Variants in ZNF385D observed in about 807,000 individuals in gnomAD.
ZNF385D encodes zinc finger protein 385D.
A neutral mutation model predicts 35.8 loss-of-function variants in ZNF385D; 15 were observed. The ratio of observed to expected loss-of-function variants is 0.42; its 90% CI spans 0.28 to 0.64. The LOEUF (loss-of-function observed/expected upper bound fraction) is 0.64, where lower values mean the gene tolerates loss of function less well. ZNF385D is among the 30% of genes least tolerant of loss of function. ZNF385D has a pLI of 0.23. For synonymous variants in ZNF385D, 212 were observed against 186.8 expected (o/e 1.13, Z -1.10); for missense variants, 474 against 494.6 (o/e 0.96, Z 0.39).
chr3:22,335,868 T>C (rs1559526992), intron 2 of ZNF385D, among the ~76,000 whole-genome samples: 1 of 152,154 alleles, frequency 6.6e-6, no homozygotes, highest in Non-Finnish European at 1.5e-5. Context: ...CTTCGTATTG[T>C]CTTCCAAAAT....
intron 3 of ZNF385D, among the ~76,000 whole-genome samples, chr3:21,890,798 A>C (rs1698814491): frequency 1.3e-5 from 2 of 152,230 alleles, no homozygotes; most frequent in African/African-American, 4.8e-5. Flanking sequence ...TAAAGAGTCA[A>C]AAAGATAAAT....
intron 7 of ZNF385D, 52 bp downstream of exon 7, chr3:21,423,911 C>T: frequency 6.5e-7 from 1 of 1,548,084 alleles, no homozygotes; most frequent in South Asian, 1.2e-5. Context: ...AATCAAGAAA[C>T]CAATAATTCC....
chr3:22,361,975 C>T (rs955286964), intron 2 of ZNF385D, among the ~76,000 whole-genome samples: 14 of 151,608 alleles, frequency 9.2e-5, no homozygotes, highest in Admixed American at 9.2e-4. Flanking sequence ...TCTAAATAGA[C>T]ATAGAAATGT....
In ZNF385D at chr3:22,364,639, C is replaced by A. The variant is rs145720897; in HGVS notation, c.106+7811G>T. Among the ~76,000 whole-genome samples the A allele has an allele frequency of 4.7e-3, 710 of 152,124 alleles. 5 individuals carry two copies. The highest frequency in any genetic ancestry group is 0.016 in the African/African-American group (669 of 41,526). ...GTGGAAAAATTAGAAAACTTGTATG[C>A]TTTTGGTGGAAATATAAAATGTACA... is the stretch of plus-strand genomic sequence containing the variant. On this transcript the variant is annotated intron_variant, in intron 2 of 5. Coordinates refer to the ZNF385D transcript ENST00000494108.
intron 3 of ZNF385D, among the ~76,000 whole-genome samples, chr3:22,162,146 G>A (rs1233596925): frequency 2.0e-5 from 3 of 152,130 alleles, no homozygotes; most frequent in Non-Finnish European, 4.4e-5. Flanking sequence ...GAAAATAAGA[G>A]TTAAGGAAAG....
chr3:22,307,576 T>C (rs564310033), intron 2 of ZNF385D, among the ~76,000 whole-genome samples: 1 of 152,136 alleles, frequency 6.6e-6, no homozygotes, highest in Non-Finnish European at 1.5e-5. Flanking sequence ...ACATATGGTA[T>C]TTTGGGAAAA....
intron 3 of ZNF385D, among the ~76,000 whole-genome samples, chr3:21,819,741 T>C (rs1327241210): frequency 1.5e-5 from 2 of 130,452 alleles, no homozygotes; most frequent in Admixed American, 1.5e-4. Flanking sequence ...TGTGTATATA[T>C]ACACACACGT....
At chr3:21,705,662 G>C (rs2067869032) in intron 1 of ZNF385D, among the ~76,000 whole-genome samples, 1 of 152,136 alleles carries the variant, frequency 6.6e-6, no homozygotes, top group African/African-American at 2.4e-5. Flanking sequence ...GAGAATAAAA[G>C]ACTTGTCCAT....
At chr3:22,079,632 G>C (rs1379174248) in intron 3 of ZNF385D, among the ~76,000 whole-genome samples, 1 of 151,944 alleles carries the variant, frequency 6.6e-6, no homozygotes, top group Non-Finnish European at 1.5e-5. Flanking sequence ...ATAACAGGGA[G>C]ATACTGCACT....
rs151014144 is a variant in ZNF385D, at chr3:22,219,526, T to C, written c.107-50491A>G. ...AGCTGTTTTATCTTTTAAGAGACTGTCTGACATCTTATTAACAAATAATGT... is the reference window on the plus strand; with the variant it reads ...AGCTGTTTTATCTTTTAAGAGACTGCCTGACATCTTATTAACAAATAATGT... On this transcript the variant is annotated intron_variant, in intron 2 of 5. Coordinates refer to the ZNF385D transcript ENST00000494108. 1.8e-3 allele frequency among the ~76,000 whole-genome samples: 280 copies of C among 152,270 alleles called. 1 individual carries two copies. Among genetic ancestry groups the C allele is most frequent in the African/African-American group, 6.4e-3 (264 of 41,568 alleles).
At chr3:22,085,217 T>C (rs1295053531) in intron 3 of ZNF385D, among the ~76,000 whole-genome samples, 1 of 151,616 alleles carries the variant, frequency 6.6e-6, no homozygotes, top group African/African-American at 2.4e-5. Flanking sequence ...AGACAATAAA[T>C]AGAATTAAGA....
At position 21,887,933 on chromosome 3, in the gene ZNF385D, G is replaced by C. The variant is rs112784901; in HGVS notation, c.326-222905C>G. Among the ~76,000 whole-genome samples, 922 of 152,134 alleles carry C rather than the reference G, an allele frequency of 6.1e-3. 7 individuals carry two copies. The highest frequency in any genetic ancestry group is 0.021 in the African/African-American group (885 of 41,520). On this transcript the variant is annotated intron_variant, in intron 3 of 5. Transcript: ENST00000494108. Reference sequence around the variant, plus strand: ...TTTAAATGGGTTACACATGTCCATTGAAATAATATTAATACTTTGTAAAAT... The same window carrying C: ...TTTAAATGGGTTACACATGTCCATTCAAATAATATTAATACTTTGTAAAAT...
intron 3 of ZNF385D, among the ~76,000 whole-genome samples, chr3:21,987,781 T>C (rs1694895917): frequency 7.6e-6 from 1 of 132,120 alleles, no homozygotes; most frequent in Non-Finnish European, 1.6e-5. Flanking sequence ...GTTGGTTCCA[T>C]TCTCCCCATC....
chr3:21,652,323 A>G (rs1286761189), intron 2 of ZNF385D, among the ~76,000 whole-genome samples: 2 of 152,204 alleles, frequency 1.3e-5, no homozygotes, highest in African/African-American at 2.4e-5. Flanking sequence ...TAAAGACCAC[A>G]GACCTGGGGC....
chr3:21,999,128 G>C (rs1246502414), intron 3 of ZNF385D, among the ~76,000 whole-genome samples: 1 of 152,178 alleles, frequency 6.6e-6, no homozygotes. Context: ...ATGCACATCA[G>C]TCAGGTTCAC....
At chr3:22,339,051 A>G (rs1575150899) in intron 2 of ZNF385D, among the ~76,000 whole-genome samples, 1 of 152,266 alleles carries the variant, frequency 6.6e-6, no homozygotes. Context: ...ACATATATAT[A>G]GAGAGATGAT....
intron 2 of ZNF385D, among the ~76,000 whole-genome samples, chr3:22,212,198 GAC>G (rs1697569400): frequency 6.6e-6 from 1 of 151,980 alleles, no homozygotes; most frequent in Non-Finnish European, 1.5e-5. Flanking sequence ...AGGGAGAAAA[GAC>G]AGGTGGAAGA....
chr3:21,537,194 G>A lies in ZNF385D; in HGVS notation c.277-26171C>T, dbSNP rs548455834. Among the ~76,000 whole-genome samples, 48 of 143,348 alleles carry A rather than the reference G, an allele frequency of 3.3e-4. No homozygotes were observed. The South Asian group carries it at 7.7e-3, about 23-fold the overall frequency. The allele number at this position is 143,348 out of a possible 152,430, so 94.0% of individuals were successfully genotyped here. A position where few individuals can be genotyped will look rare whatever the true frequency, so the allele number is the denominator to read the frequency against. On this transcript the variant is annotated intron_variant, in intron 3 of 7. Transcript: ENST00000281523. ...GTCACCCACGCTGGAGTGCAGTGGC[G>A]TGATCTCAGCTCACTGCAACCTCCG... is the stretch of plus-strand genomic sequence containing the variant.
chr3:21,994,871 A>G (rs2125402635), intron 3 of ZNF385D, among the ~76,000 whole-genome samples: 1 of 152,306 alleles, frequency 6.6e-6, no homozygotes, highest in East Asian at 1.9e-4. Context: ...AAGTGGTGGT[A>G]AGGCTTGGCT....
Sources: gnomAD v4.1 joint callset for allele counts (sites outside exome capture counted in the v4.1 genomes callset) on GRCh38, gnomAD v4.1.1 for gene constraint, MANE v1.5 for transcripts, NCBI Gene and HGNC (gene_info 2026-07-23, HGNC 2026-07-21) for gene names.